PEBP1: variants seen among roughly 807,000 people sequenced by gnomAD.
PEBP1 encodes the protein phosphatidylethanolamine binding protein 1, also known as phosphatidylethanolamine-binding protein 1.
In PEBP1, 17 loss-of-function variants were observed where a neutral mutation model predicts 22.7. The ratio of observed to expected loss-of-function variants is 0.75; its 90% CI spans 0.51 to 1.12. PEBP1 has a LOEUF of 1.12. Ranked by LOEUF, PEBP1 falls within the 50% of genes most tolerant of loss-of-function variation. PEBP1 has a pLI of 0.00. For missense variants in PEBP1, 205 were observed against 243.5 expected (o/e 0.84, Z 1.05); for synonymous variants, 106 against 104.3 (o/e 1.02, Z -0.10).
chr12:118,144,092 A>G (rs2034135938), intron 3 of PEBP1, among the ~76,000 whole-genome samples: 1 of 152,144 alleles, frequency 6.6e-6, no homozygotes, highest in South Asian at 2.1e-4. Context: ...CCTTTATCCT[A>G]GAGGCTCGAC....
chr12:118,136,157 C>G lies in PEBP1; in HGVS notation c.-53C>G, dbSNP rs985170179. The G allele has an allele frequency of 4.6e-6, 7 of 1,534,784 alleles. No individual in the cohort carries two copies. The highest frequency in any genetic ancestry group is 6.1e-6 in the Non-Finnish European group (7 of 1,144,698). On this transcript the variant is annotated 5_prime_UTR_variant, in exon 1 of 4. Coordinates refer to ENST00000261313, the MANE Select transcript of PEBP1 (RefSeq NM_002567.4). This position sits in a 1 kb window ranked among gnomAD's most constrained non-coding sequence, Gnocchi z 5.6. ...GAGCTCTCCGCGTCGCCTCTGTCGC[C>G]CGCGCCTGGCCTACCGCGGCACTCC... is the stretch of plus-strand genomic sequence containing the variant.
rs1384243469 is a variant in PEBP1 at position 118,136,763 on chromosome 12, G to A, written c.135+419G>A. Among the ~76,000 whole-genome samples, 1 of 152,190 alleles carries A rather than the reference G, an allele frequency of 6.6e-6. No homozygotes were observed. The highest frequency in any genetic ancestry group is 2.4e-5 in the African/African-American group (1 of 41,446). On this transcript the variant is annotated intron_variant, in intron 1 of 3. Coordinates refer to ENST00000261313, the MANE Select transcript of PEBP1 (RefSeq NM_002567.4). This position sits in a 1 kb window ranked among gnomAD's most constrained non-coding sequence, Gnocchi z 5.6. ...AGCATTTTAGGCCTGGTTTTGGAGG[G>A]CTGAAGCCTCACCCGAGAGCCTGTG...
intron 3 of PEBP1, among the ~76,000 whole-genome samples, 166 bp downstream of exon 3, chr12:118,139,717 G>T (rs2034098401): frequency 6.6e-6 from 1 of 152,198 alleles, no homozygotes. Flanking sequence ...CTGCAGCAGT[G>T]TCAGGTGGCT....
intron 3 of PEBP1, 151 bp downstream of exon 3, chr12:118,139,702 C>G (rs1211402648): frequency 1.8e-6 from 1 of 547,756 alleles, no homozygotes; most frequent in African/African-American, 1.9e-5. Context: ...GGCACACATT[C>G]AGACCTGCAG....
Position 118,145,141 on chromosome 12 carries a change from A to G in PEBP1, c.*338A>G, listed in dbSNP as rs2034146189. 4 of 441,200 alleles carry G rather than the reference A, an allele frequency of 9.1e-6. No individual in the cohort carries two copies. Among genetic ancestry groups the G allele is most frequent in the Non-Finnish European group, 1.5e-5 (4 of 258,700 alleles). The allele number at this position is 441,200 out of a possible 1,614,324, so 27.3% of individuals were successfully genotyped here. A position where few individuals can be genotyped will look rare whatever the true frequency, so the allele number is the denominator to read the frequency against. On this transcript the variant is annotated 3_prime_UTR_variant, in exon 4 of 4. Coordinates refer to ENST00000261313, the MANE Select transcript of PEBP1 (RefSeq NM_002567.4). Reference sequence around the variant, plus strand: ...GACCAGGTCTACAGTGATAGAGCAAAGCATCAAAGAATCTTTAAGGGAGGT... The same window carrying G: ...GACCAGGTCTACAGTGATAGAGCAAGGCATCAAAGAATCTTTAAGGGAGGT...
chr12:118,143,274 C>T (rs2034129251), intron 3 of PEBP1, among the ~76,000 whole-genome samples: 1 of 152,202 alleles, frequency 6.6e-6, no homozygotes, highest in South Asian at 2.1e-4. Flanking sequence ...CACCATTCCA[C>T]TTTCTGTTGC....
chr12:118,140,018 A>G (rs2034101133), intron 3 of PEBP1, among the ~76,000 whole-genome samples: 1 of 152,108 alleles, frequency 6.6e-6, no homozygotes, highest in Admixed American at 6.6e-5. Context: ...TATATTGAAA[A>G]CAGATTTGGA....
At chr12:118,144,262 G>C (rs778036055) in intron 3 of PEBP1, among the ~76,000 whole-genome samples, 41 of 152,164 alleles carry the variant, frequency 2.7e-4, no homozygotes, top group Non-Finnish European at 2.4e-4. Flanking sequence ...GAGGCTCGTT[G>C]GGAGGCGAGG....
At chr12:118,142,096 G>C (rs11068847) in intron 3 of PEBP1, among the ~76,000 whole-genome samples, 4,870 of 151,234 alleles carry the variant, frequency 0.032, 246 homozygotes, top group East Asian at 0.23. Flanking sequence ...GTCACACAAA[G>C]ACAAATACCG....
chr12:118,138,025 G>C lies in PEBP1; in HGVS notation c.136-14G>C. 6.3e-7 allele frequency: 1 copy of C among 1,586,236 alleles called. No individual in the cohort carries two copies. ...TTTCTGACTTTTTTACTGCAAACTG[G>C]TTCCTTCATACAGGTTAAGAATAGA... On this transcript the variant is annotated splice_polypyrimidine_tract_variant and intron_variant, in intron 1 of 3. Coordinates refer to ENST00000261313, the MANE Select transcript of PEBP1 (RefSeq NM_002567.4).
intron 1 of PEBP1, among the ~76,000 whole-genome samples, chr12:118,137,281 A>C (rs971136418): frequency 6.6e-6 from 1 of 152,144 alleles, no homozygotes; most frequent in African/African-American, 2.4e-5. Context: ...CAGGGTTGGA[A>C]TCCCAGCCTT....
intron 3 of PEBP1, among the ~76,000 whole-genome samples, chr12:118,142,107 T>A (rs2034118588): frequency 6.6e-6 from 1 of 151,648 alleles, no homozygotes; most frequent in African/African-American, 2.4e-5. Context: ...ACAAATACCG[T>A]ACAATTCTAT....
At chr12:118,143,309 C>T (rs149496774) in intron 3 of PEBP1, among the ~76,000 whole-genome samples, 110 of 152,226 alleles carry the variant, frequency 7.2e-4, no homozygotes, top group African/African-American at 2.5e-3. Context: ...TTAGATACCT[C>T]GTGGAATTGT....
At chr12:118,142,867 T>C (rs1334093583) in intron 3 of PEBP1, among the ~76,000 whole-genome samples, 3 of 123,740 alleles carry the variant, frequency 2.4e-5, no homozygotes, top group Non-Finnish European at 4.9e-5. Flanking sequence ...TGAGATAGGG[T>C]CTTACTCTGT....
chr12:118,143,313 G>A (rs1476417331), intron 3 of PEBP1, among the ~76,000 whole-genome samples: 1 of 152,162 alleles, frequency 6.6e-6, no homozygotes, highest in Non-Finnish European at 1.5e-5. Flanking sequence ...ATACCTCGTG[G>A]AATTGTACAG....
intron 2 of PEBP1, chr12:118,139,043 G>C (rs1002024147): frequency 4.9e-6 from 1 of 203,668 alleles, no homozygotes; most frequent in Non-Finnish European, 1.0e-5. Context: ...GGCCGGGCGC[G>C]GTGGCTCATG....
At chr12:118,143,094 C>T (rs1288440539) in intron 3 of PEBP1, among the ~76,000 whole-genome samples, 2 of 152,006 alleles carry the variant, frequency 1.3e-5, no homozygotes, top group African/African-American at 2.4e-5. Flanking sequence ...TCAGGTGACC[C>T]TCCCACCTTG....
At chr12:118,137,854 A>G (rs558879156) in intron 1 of PEBP1, among the ~76,000 whole-genome samples, 185 bp from the exon 2 acceptor site, 10 of 152,092 alleles carry the variant, frequency 6.6e-5, no homozygotes, top group Non-Finnish European at 1.3e-4. Context: ...TGCCCAGCTA[A>G]TTTTTGTAGT....
At chr12:118,138,267 CAG>C in intron 2 of PEBP1, 119 bp downstream of exon 2, 1 of 700,874 alleles carries the variant, frequency 1.4e-6, no homozygotes, top group Non-Finnish European at 2.5e-6. Context: ...ATGCTTAAGC[CAG>C]AGAGTGCCTT....
Sources: allele counts gnomAD v4.1 joint callset (sites outside exome capture counted in the v4.1 genomes callset), GRCh38; gene constraint gnomAD v4.1.1; non-coding constraint Gnocchi (gnomAD v3.1); transcripts MANE v1.5; gene names NCBI Gene and HGNC (gene_info 2026-07-23, HGNC 2026-07-21).